Variants in ATAD2B observed in about 807,000 individuals in gnomAD.
ATAD2B encodes ATPase family AAA domain containing 2B.
Under a neutral mutation model 167.6 loss-of-function variants are expected in ATAD2B, and 40 were observed. That is an observed-to-expected ratio of 0.24 (90% CI 0.19 to 0.31). The LOEUF (loss-of-function observed/expected upper bound fraction) is 0.31, where lower values mean the gene tolerates loss of function less well. Among genes scored for constraint, ATAD2B ranks in the 10% least tolerant of loss-of-function variants. The probability of loss-of-function intolerance (pLI) is 1.00; values close to 1 mark genes in which losing one functional copy is unlikely to be tolerated. For missense variants in ATAD2B, 1,242 were observed against 1,757.2 expected (o/e 0.71, Z 5.24); for synonymous variants, 579 against 596.5 (o/e 0.97, Z 0.43).
intron 18 of ATAD2B, among the ~76,000 whole-genome samples, chr2:23,802,529 T>A: frequency 6.6e-6 from 1 of 152,122 alleles, no homozygotes; most frequent in South Asian, 2.1e-4. Context: ...TTTATGAAAA[T>A]TAAATCACTT....
At chr2:23,840,680 T>C (rs1199766848) in intron 13 of ATAD2B, among the ~76,000 whole-genome samples, 1 of 152,254 alleles carries the variant, frequency 6.6e-6, no homozygotes, top group Non-Finnish European at 1.5e-5. Flanking sequence ...GTGTCCATTC[T>C]ATATTTGTCT....
Position 23,834,442 on chromosome 2 carries a change from G to A in ATAD2B, c.1569-364C>T, listed in dbSNP as rs1370843795. On this transcript the variant is annotated intron_variant, in intron 13 of 27. Transcript: ENST00000238789. The stretch of plus-strand genomic sequence containing the variant: ...CTCGCAAAGTGCTGGGATTACGGAC[G>A]TGAGCCATGGTACCCGGCTTATCAG... Among the ~76,000 whole-genome samples, 14 of 152,168 alleles carry A rather than the reference G, an allele frequency of 9.2e-5. No individual in the cohort carries two copies. In the South Asian group the frequency reaches 1.7e-3, roughly 18 times the overall value.
intron 1 of ATAD2B, among the ~76,000 whole-genome samples, chr2:23,907,543 T>C (rs1035498869): frequency 2.0e-5 from 3 of 152,102 alleles, no homozygotes; most frequent in Admixed American, 1.3e-4. Context: ...GCCATACTGC[T>C]CAAGGTAATT....
chr2:23,820,701 G>A (rs1396615227), intron 16 of ATAD2B, among the ~76,000 whole-genome samples: 2 of 152,202 alleles, frequency 1.3e-5, no homozygotes, highest in Non-Finnish European at 2.9e-5. Context: ...TATGCTAGCA[G>A]ATAGAGATCT....
At chr2:23,725,618 C>G in the ATAD2B span, among the ~76,000 whole-genome samples, 1 of 151,932 alleles carries the variant, frequency 6.6e-6, no homozygotes, top group East Asian at 1.9e-4. Flanking sequence ...CCAGAGAAAT[C>G]CCTAAAAGCT....
At chr2:23,692,376 G>C in the ATAD2B span, among the ~76,000 whole-genome samples, 490 of 152,286 alleles carry the variant, frequency 3.2e-3, 4 homozygotes, top group Non-Finnish European at 4.6e-3. Context: ...GGAGCTCCCG[G>C]GGGGGTCGCT....
At chr2:23,760,900 A>G (rs978114723) in intron 24 of ATAD2B, among the ~76,000 whole-genome samples, 11 of 152,124 alleles carry the variant, frequency 7.2e-5, no homozygotes, top group African/African-American at 2.7e-4. Flanking sequence ...CGCCTTAGGG[A>G]CATTCAGATT....
chr2:23,791,611 T>C (rs1000988058), intron 19 of ATAD2B, among the ~76,000 whole-genome samples: 5 of 152,180 alleles, frequency 3.3e-5, no homozygotes, highest in African/African-American at 1.2e-4. Flanking sequence ...CATTTACATA[T>C]ACTCTAAGGA....
chr2:23,694,752 A>G, the ATAD2B span, among the ~76,000 whole-genome samples: 3 of 151,726 alleles, frequency 2.0e-5, no homozygotes. Context: ...CCTCCCATCC[A>G]CCTTGTGCCT....
At chr2:23,707,607 G>T in the ATAD2B span, 2 of 152,274 alleles carry the variant, frequency 1.3e-5, no homozygotes, top group African/African-American at 2.4e-5. Flanking sequence ...GCCCAAGGAA[G>T]AAGAGTCTGC....
chr2:23,911,274 G>A (rs1364328377), intron 1 of ATAD2B, among the ~76,000 whole-genome samples: 2 of 151,598 alleles, frequency 1.3e-5, no homozygotes, highest in East Asian at 3.9e-4. Flanking sequence ...GAGTTAATTG[G>A]CTAGGCACAG....
intron 19 of ATAD2B, among the ~76,000 whole-genome samples, chr2:23,797,824 A>G (rs1682854540): frequency 1.3e-5 from 2 of 152,146 alleles, no homozygotes; most frequent in Non-Finnish European, 1.5e-5. Flanking sequence ...TAGTGGCTTC[A>G]TGTCAGCACT....
chr2:23,874,646 T>C (rs537977762), intron 8 of ATAD2B, among the ~76,000 whole-genome samples: 44 of 150,722 alleles, frequency 2.9e-4, no homozygotes, highest in African/African-American at 1.0e-3. Flanking sequence ...GAGGCTGCAA[T>C]GAGCCATGAT....
the ATAD2B span, among the ~76,000 whole-genome samples, chr2:23,685,788 G>A: frequency 6.6e-6 from 1 of 152,228 alleles, no homozygotes; most frequent in African/African-American, 2.4e-5. Flanking sequence ...GGCCTCACCA[G>A]GCCAGGGAGG....
chr2:23,832,281 G>A lies in ATAD2B; in HGVS notation c.1728+1638C>T, dbSNP rs1319710673. 4 of 466,394 alleles carry A rather than the reference G, an allele frequency of 8.6e-6. No homozygotes were observed. The East Asian group carries it at 2.1e-4, about 25-fold the overall frequency. 28.9% of individuals were successfully genotyped at this position (466,394 alleles called of 1,614,324 possible). ...TCGGGACCTTAAAAACTATTTAAGG[G>A]AAAAAGGTAAACAGCCAGCATAGGC... is the stretch of plus-strand genomic sequence containing the variant. On this transcript the variant is annotated intron_variant, in intron 14 of 27. Transcript: ENST00000238789.
At chr2:23,743,448 A>C in the ATAD2B span, among the ~76,000 whole-genome samples, 1 of 151,830 alleles carries the variant, frequency 6.6e-6, no homozygotes, top group Non-Finnish European at 1.5e-5. Context: ...CTGTAATCCC[A>C]GCTGCTTGGG....
At chr2:23,824,776 T>C (rs1340364628) in intron 15 of ATAD2B, among the ~76,000 whole-genome samples, 3 of 152,208 alleles carry the variant, frequency 2.0e-5, no homozygotes, top group Non-Finnish European at 2.9e-5. Context: ...CTCTGTTGCA[T>C]CCTTGTCACA....
Position 23,926,741 on chromosome 2 carries a change from G to A in ATAD2B, c.30C>T (p.Arg10=), listed in dbSNP as rs1704926780. ...GACCAGGAGACTTGGACCCGAGAAG[G>A]CGGAGAGAGCTCTTCCGGGTGTTCA... The part of the protein sequence containing the change: MVNTRKSSL[R]LLGSKSPGPG... Residue 10 remains arginine, a synonymous_variant, in exon 1 of 28, where the codon CGC becomes CGT. Transcript: ENST00000238789. 6.5e-7 allele frequency: 1 copy of A among 1,547,446 alleles called. No individual in the cohort carries two copies. The highest frequency in any genetic ancestry group is 8.7e-7 in the Non-Finnish European group (1 of 1,145,974).
At chr2:23,765,446 T>G (rs1677279510) in intron 23 of ATAD2B, 60 bp downstream of exon 23, 1 of 1,364,782 alleles carries the variant, frequency 7.3e-7, no homozygotes, top group Non-Finnish European at 9.7e-7. Context: ...AGCGTTCAAG[T>G]ACTCTTGGCC....
Sources: gnomAD v4.1 joint callset for allele counts (sites outside exome capture counted in the v4.1 genomes callset) on GRCh38, gnomAD v4.1.1 for gene constraint, MANE v1.5 for transcripts, NCBI Gene and HGNC (gene_info 2026-07-23, HGNC 2026-07-21) for gene names.